Variants in JCAD observed in about 807,000 individuals in gnomAD.
JCAD encodes junctional cadherin 5 associated.
JCAD carries 40 observed loss-of-function variants against 98.0 expected under a neutral mutation model. That is an observed-to-expected ratio of 0.41 (90% CI 0.32 to 0.53). JCAD has a LOEUF of 0.53. JCAD is among the 20% of genes least tolerant of loss of function. JCAD has a pLI of 0.31. For synonymous variants in JCAD, 691 were observed against 682.3 expected (o/e 1.01, Z -0.20); for missense variants, 1,705 against 1,738.1 (o/e 0.98, Z 0.34).
intron 2 of JCAD, among the ~76,000 whole-genome samples, chr10:30,036,510 T>C (rs1413194847): frequency 6.6e-6 from 1 of 151,940 alleles, no homozygotes; most frequent in African/African-American, 2.4e-5. Context: ...TGGCTCACAT[T>C]CCCCATCTTC....
chr10:30,075,747 G>A (rs536448477), intron 1 of JCAD, among the ~76,000 whole-genome samples: 2 of 152,292 alleles, frequency 1.3e-5, no homozygotes, highest in South Asian at 4.1e-4. Flanking sequence ...GATGTGAGCA[G>A]GAAGGGGAAA....
chr10:30,083,185 G>T (rs1838115941), intron 1 of JCAD, among the ~76,000 whole-genome samples: 1 of 151,160 alleles, frequency 6.6e-6, no homozygotes, highest in Admixed American at 6.6e-5. Context: ...ATGAGAAGAA[G>T]GAAAAAATAA....
At chr10:30,092,054 A>C (rs1206405040) in intron 1 of JCAD, among the ~76,000 whole-genome samples, 2 of 25,696 alleles carry the variant, frequency 7.8e-5, no homozygotes, top group East Asian at 1.2e-3. Context: ...AAAAAAAAAA[A>C]AAAAAAAAAA....
Position 30,029,689 on chromosome 10 carries a change from T to C in JCAD, c.459A>G (p.Pro153=), listed in dbSNP as rs1399154585. 2 of 1,614,258 alleles carry C rather than the reference T, an allele frequency of 1.2e-6. No individual in the cohort carries two copies. The highest frequency in any genetic ancestry group is 2.2e-5 in the South Asian group (2 of 91,090). The change falls in exon 3 of 4, where the codon CCA becomes CCG. Residue 153 remains proline (P), a synonymous_variant. Transcript: ENST00000375377. ...GCTCTGACCTTCCTCCAACTTCCCA[T>C]GGACCCTCCCTCACGTGGACAGGCA... ...HSLPVHVREG[P]WEVGGRSEHV...
intron 1 of JCAD, among the ~76,000 whole-genome samples, chr10:30,090,632 C>T (rs1396066086): frequency 6.6e-6 from 1 of 152,078 alleles, no homozygotes; most frequent in Non-Finnish European, 1.5e-5. Context: ...TTCTTGTCTA[C>T]TCCTAAATCC....
rs765114786 is a variant in JCAD at position 30,029,424 on chromosome 10, T to C, written c.724A>G (p.Ser242Gly). The C allele has an allele frequency of 1.9e-6, 3 of 1,613,932 alleles. No homozygotes were observed. The highest frequency in any genetic ancestry group is 2.5e-6 in the Non-Finnish European group (3 of 1,180,010). Residue 242 changes from serine to glycine, a missense_variant, in exon 3 of 4, where the codon AGT (serine) becomes GGT (glycine). By Grantham distance (56) the Ser-to-Gly change is moderately conservative (BLOSUM62 0). Around this residue, in one of 3 missense-constraint regions of JCAD, gnomAD observed 275 missense variants for 346.9 expected, o/e 0.79. Transcript: ENST00000375377. ...AATGGAATGGGAATTTCCGTGCAAC[T>C]CAGGCTCTCGGGGGAAAGAACTCTA... is the stretch of plus-strand genomic sequence containing the variant. ...LPRVLSPESL[S>G]CTEIPIPLNE... is the part of the protein sequence containing the mutation.
At chr10:30,053,711 C>G (rs980037446) in intron 1 of JCAD, among the ~76,000 whole-genome samples, 1 of 151,628 alleles carries the variant, frequency 6.6e-6, no homozygotes, top group African/African-American at 2.4e-5. Flanking sequence ...GGATAGTTAT[C>G]CCAGTTTTAA....
intron 1 of JCAD, among the ~76,000 whole-genome samples, chr10:30,052,136 G>A (rs1245587985): frequency 2.0e-5 from 3 of 152,188 alleles, no homozygotes; most frequent in Non-Finnish European, 2.9e-5. Flanking sequence ...TATAGAATTA[G>A]GAAGTTGCTG....
intron 1 of JCAD, among the ~76,000 whole-genome samples, chr10:30,051,282 A>AG (rs1408179417): frequency 9.9e-6 from 1 of 101,324 alleles, no homozygotes; most frequent in Non-Finnish European, 2.3e-5. Context: ...GCACACACGC[A>AG]CGCACACACA....
chr10:30,027,880 G>C lies in JCAD; in HGVS notation c.2268C>G (p.Leu756=). The C allele has an allele frequency of 6.2e-7, 1 of 1,614,248 alleles. No homozygotes were observed. Among genetic ancestry groups the C allele is most frequent in the Non-Finnish European group, 8.5e-7 (1 of 1,180,036 alleles). The change falls in exon 3 of 4, where the codon CTC becomes CTG. Residue 756 remains leucine (L), a synonymous_variant. Transcript: ENST00000375377. ...SARNLKGHRS[L]SPSSNSAFSR... ...AGAACGCACTGTTGCTGGATGGGCT[G>C]AGGGACCTGTGACCTTTCAGGTTAC... is the stretch of plus-strand genomic sequence containing the variant.
At chr10:30,097,518 G>C (rs530029555) in intron 1 of JCAD, among the ~76,000 whole-genome samples, 1 of 152,296 alleles carries the variant, frequency 6.6e-6, no homozygotes, top group African/African-American at 2.4e-5. Flanking sequence ...GAGAGGTTGA[G>C]GTAGGCAGAT....
intron 1 of JCAD, among the ~76,000 whole-genome samples, chr10:30,105,038 A>C (rs986994996): frequency 6.6e-6 from 1 of 152,188 alleles, no homozygotes; most frequent in African/African-American, 2.4e-5. Context: ...AGATCAGGAA[A>C]TGAGTTTGAA....
At chr10:30,018,591 G>A (rs962449423) in intron 3 of JCAD, among the ~76,000 whole-genome samples, 3 of 152,090 alleles carry the variant, frequency 2.0e-5, no homozygotes, top group African/African-American at 7.2e-5. Context: ...TCTGTGCCCA[G>A]ATGACCTGGA....
In JCAD at chr10:30,096,899, A is replaced by G. The variant is rs143731846; in HGVS notation, n.128+18468T>C. Among the ~76,000 whole-genome samples, 550 of 152,300 alleles carry G rather than the reference A, an allele frequency of 3.6e-3. 5 individuals carry two copies. Among genetic ancestry groups the G allele is most frequent in the African/African-American group, 0.012 (501 of 41,560 alleles). ...CTCTGCTGGAAATAGATCTCTGAGC[A>G]TTTCTTCAATAGCATTACAGTAATT... On this transcript the variant is annotated intron_variant and non_coding_transcript_variant, in intron 1 of 2. Transcript: ENST00000465712.
intron 2 of JCAD, among the ~76,000 whole-genome samples, chr10:30,034,984 G>A (rs1564448189): frequency 6.6e-6 from 1 of 152,136 alleles, no homozygotes; most frequent in Non-Finnish European, 1.5e-5. Flanking sequence ...TGACAGTCCT[G>A]TGAACGCTTT....
At chr10:30,103,153 G>A (rs1179006275) in intron 1 of JCAD, among the ~76,000 whole-genome samples, 1 of 152,098 alleles carries the variant, frequency 6.6e-6, no homozygotes, top group African/African-American at 2.4e-5. Context: ...TTTTAATGCT[G>A]GGTAATATTC....
intron 1 of JCAD, among the ~76,000 whole-genome samples, chr10:30,073,530 A>G (rs1264073328): frequency 6.6e-6 from 1 of 152,234 alleles, no homozygotes; most frequent in Non-Finnish European, 1.5e-5. Context: ...ATGGAAGGAT[A>G]CTATTTCTAT....
chr10:30,023,766 G>A (rs1326165591), intron 3 of JCAD, among the ~76,000 whole-genome samples: 2 of 151,968 alleles, frequency 1.3e-5, no homozygotes, highest in Admixed American at 1.3e-4. Context: ...CATGAGGGAG[G>A]TGTTGTTAAT....
At chr10:30,097,099 C>T (rs1271558038) in intron 1 of JCAD, among the ~76,000 whole-genome samples, 1 of 152,212 alleles carries the variant, frequency 6.6e-6, no homozygotes, top group East Asian at 1.9e-4. Flanking sequence ...TAAGACTGTA[C>T]TGCCCATGGC....
Sources: gnomAD v4.1 joint callset for allele counts (sites outside exome capture counted in the v4.1 genomes callset) on GRCh38, gnomAD v4.1.1 for gene constraint, gnomAD v4.1.1 regional missense constraint, MANE v1.5 for transcripts, NCBI Gene and HGNC (gene_info 2026-07-23, HGNC 2026-07-21) for gene names.